GALNT18: variants seen among roughly 807,000 people sequenced by gnomAD.
GALNT18 encodes polypeptide N-acetylgalactosaminyltransferase 18, also known as GalNAc-transferase 18.
GALNT18 carries 44 observed loss-of-function variants against 69.5 expected under a neutral mutation model. The ratio of observed to expected loss-of-function variants is 0.63; its 90% CI spans 0.50 to 0.81. The LOEUF is 0.81. GALNT18 is among the 40% of genes least tolerant of loss of function. The pLI is 0.00. For synonymous variants in GALNT18, 364 were observed against 318.2 expected (o/e 1.14, Z -1.53); for missense variants, 715 against 810.0 (o/e 0.88, Z 1.42).
At position 11,318,583 on chromosome 11, in the gene GALNT18, G is replaced by A. The variant is rs138800401; in HGVS notation, c.1512+8503C>T. On this transcript the variant is annotated intron_variant, in intron 9 of 10. Coordinates refer to ENST00000227756, the MANE Select transcript of GALNT18 (RefSeq NM_198516.3). The surrounding 1 kb of genome is among the most constrained non-coding windows in gnomAD (Gnocchi z 5.1). ...AATTGTGAGACAGTAATTTTCTGTC[G>A]TTTAAGTCTCGCAGCTTGTGGTACT... is the stretch of plus-strand genomic sequence containing the variant. Among the ~76,000 whole-genome samples the A allele has an allele frequency of 1.1e-4, 16 of 152,228 alleles. No homozygotes were observed. The highest frequency in any genetic ancestry group is 1.9e-4 in the African/African-American group (8 of 41,544).
In GALNT18 at chr11:11,435,087, A is replaced by G. The variant is rs1422694288; in HGVS notation, c.429-2300T>C. On this transcript the variant is annotated intron_variant, in intron 2 of 10. Coordinates refer to ENST00000227756, the MANE Select transcript of GALNT18 (RefSeq NM_198516.3). This position sits in a 1 kb window ranked among gnomAD's most constrained non-coding sequence, Gnocchi z 4.4. ...TAATAGACAGCTCCCAAGAAGGCCA[A>G]TGGATTGGCACAAGTTCACTGTCCT... 6.6e-6 allele frequency among the ~76,000 whole-genome samples: 1 copy of G among 152,232 alleles called. No homozygotes were observed. Among genetic ancestry groups the G allele is most frequent in the African/African-American group, 2.4e-5 (1 of 41,460 alleles).
chr11:11,429,798 G>T (rs924519715), intron 3 of GALNT18, among the ~76,000 whole-genome samples: 2 of 152,120 alleles, frequency 1.3e-5, no homozygotes, highest in Non-Finnish European at 2.9e-5. Context: ...GAAGCCACAC[G>T]TTATTCCTGA....
intron 2 of GALNT18, among the ~76,000 whole-genome samples, chr11:11,437,108 T>C (rs1855419672): frequency 3.3e-5 from 5 of 152,096 alleles, no homozygotes; most frequent in Admixed American, 2.0e-4. Flanking sequence ...TGCACTTGCC[T>C]CTCTGCTCAC....
intron 3 of GALNT18, among the ~76,000 whole-genome samples, chr11:11,392,615 T>G (rs1854221985): frequency 6.6e-6 from 1 of 152,128 alleles, no homozygotes; most frequent in Non-Finnish European, 1.5e-5. Context: ...GCGAAACTCC[T>G]TCTCAAAAAG....
chr11:11,468,462 T>G (rs886801736), intron 1 of GALNT18, among the ~76,000 whole-genome samples: 1 of 152,174 alleles, frequency 6.6e-6, no homozygotes, highest in Non-Finnish European at 1.5e-5. Context: ...TTTAAGATTC[T>G]GAGTCTTTTC....
chr11:11,422,593 A>G (rs1855034979), intron 3 of GALNT18, among the ~76,000 whole-genome samples: 1 of 150,708 alleles, frequency 6.6e-6, no homozygotes, highest in African/African-American at 2.4e-5. Flanking sequence ...ATACTGTTGG[A>G]CCATTCTTTT....
intron 10 of GALNT18, among the ~76,000 whole-genome samples, chr11:11,280,932 G>T (rs1300262278): frequency 6.6e-6 from 1 of 152,140 alleles, no homozygotes; most frequent in Non-Finnish European, 1.5e-5. Flanking sequence ...TCCAAACAAG[G>T]CCAGACCATT....
At chr11:11,450,896 TG>T (rs1855778893) in intron 1 of GALNT18, among the ~76,000 whole-genome samples, 5 of 152,188 alleles carry the variant, frequency 3.3e-5, no homozygotes, top group Admixed American at 2.6e-4. Flanking sequence ...ATTTCAGTCC[TG>T]GGAAGGCTCT....
chr11:11,389,458 G>A lies in GALNT18; in HGVS notation c.596-10194C>T, dbSNP rs1854129455. Among the ~76,000 whole-genome samples the A allele has an allele frequency of 6.6e-6, 1 of 152,220 alleles. No homozygotes were observed. Among genetic ancestry groups the A allele is most frequent in the Non-Finnish European group, 1.5e-5 (1 of 68,036 alleles). ...TGTACTTCCTGGGGCTGTGTGAGGA[G>A]GAAAATCCTGTAAAGTAAAGGTGGG... On this transcript the variant is annotated intron_variant, in intron 3 of 10. Coordinates refer to ENST00000227756, the MANE Select transcript of GALNT18 (RefSeq NM_198516.3). The surrounding 1 kb of genome is among the most constrained non-coding windows in gnomAD (Gnocchi z 4.3).
Position 11,586,811 on chromosome 11 carries a change from TAA to T in GALNT18, c.235+34546_235+34547del, listed in dbSNP as rs1249599683. 5.4e-4 allele frequency among the ~76,000 whole-genome samples: 49 copies of T among 89,982 alleles called. No individual in the cohort carries two copies. Among genetic ancestry groups the T allele is most frequent in the African/African-American group, 1.6e-3 (46 of 29,622 alleles). 59.0% of individuals were successfully genotyped at this position (89,982 alleles called of 152,430 possible). On this transcript the variant is annotated intron_variant, in intron 1 of 10. Transcript: ENST00000227756. This position sits in a 1 kb window ranked among gnomAD's most constrained non-coding sequence, Gnocchi z 4.1. ...CAACATGGTTAAACACCATCTCTAC[TAA>T]AAACACACACACACACACACAAAAA...
At chr11:11,442,231 C>T (rs1047847312) in intron 2 of GALNT18, among the ~76,000 whole-genome samples, 3 of 152,182 alleles carry the variant, frequency 2.0e-5, no homozygotes, top group African/African-American at 7.2e-5. Context: ...ACATTGTCAT[C>T]TCTCAGGTTG....
chr11:11,352,176 G>T (rs766958167), intron 6 of GALNT18: 144 of 1,613,540 alleles, frequency 8.9e-5, no homozygotes, highest in Non-Finnish European at 1.1e-4. Context: ...GGCCTCTCTT[G>T]CAGTAAGCCG....
At chr11:11,400,104 T>C (rs1342010944) in intron 3 of GALNT18, among the ~76,000 whole-genome samples, 1 of 152,186 alleles carries the variant, frequency 6.6e-6, no homozygotes, top group Non-Finnish European at 1.5e-5. Context: ...CCATTCCAGC[T>C]TGGACACTCT....
At chr11:11,392,403 C>G (rs1324143613) in intron 3 of GALNT18, among the ~76,000 whole-genome samples, 1 of 152,134 alleles carries the variant, frequency 6.6e-6, no homozygotes, top group Non-Finnish European at 1.5e-5. Flanking sequence ...GCAGATCACC[C>G]GAGGTCGGGA....
At chr11:11,360,243 G>A (rs989020522) in intron 6 of GALNT18, among the ~76,000 whole-genome samples, 1 of 152,190 alleles carries the variant, frequency 6.6e-6, no homozygotes, top group African/African-American at 2.4e-5. Context: ...TCCTTCCTCA[G>A]GAGTCTGCCT....
intron 6 of GALNT18, among the ~76,000 whole-genome samples, chr11:11,369,433 T>A (rs1035479310): frequency 6.6e-6 from 1 of 152,166 alleles, no homozygotes; most frequent in Non-Finnish European, 1.5e-5. Flanking sequence ...TTCCTTTACG[T>A]CTTCCTGTGA....
At chr11:11,370,666 T>C (rs1850880817) in intron 6 of GALNT18, among the ~76,000 whole-genome samples, 1 of 151,832 alleles carries the variant, frequency 6.6e-6, no homozygotes, top group Non-Finnish European at 1.5e-5. Flanking sequence ...CATTTTAACT[T>C]GCATTTGAGA....
At position 11,470,366 on chromosome 11, in the gene GALNT18, C is replaced by A. The variant is rs1042096253; in HGVS notation, c.236-21430G>T. ...GTACGGTCATGCCCTACATTCATAT[C>A]TTGATCTATGGATGGGAATTTCCAT... is the stretch of plus-strand genomic sequence containing the variant. On this transcript the variant is annotated intron_variant, in intron 1 of 10. Transcript: ENST00000227756. The surrounding 1 kb of genome is among the most constrained non-coding windows in gnomAD (Gnocchi z 4.8). Among the ~76,000 whole-genome samples the A allele has an allele frequency of 4.6e-5, 7 of 152,204 alleles. No homozygotes were observed. The highest frequency in any genetic ancestry group is 1.7e-4 in the African/African-American group (7 of 41,444).
chr11:11,327,302 C>G (rs1353273864), intron 8 of GALNT18, 121 bp from the exon 9 acceptor site: 5 of 740,434 alleles, frequency 6.8e-6, no homozygotes, highest in Non-Finnish European at 1.2e-5. Context: ...CAGCCCAAGG[C>G]CCTTGAACAC....
Sources: allele counts gnomAD v4.1 joint callset (sites outside exome capture counted in the v4.1 genomes callset), GRCh38; gene constraint gnomAD v4.1.1; non-coding constraint Gnocchi (gnomAD v3.1); transcripts MANE v1.5; gene names NCBI Gene and HGNC (gene_info 2026-07-23, HGNC 2026-07-21).